PRSS35: variants seen among roughly 807,000 people sequenced by gnomAD.
PRSS35 encodes inactive serine protease 35.
A neutral mutation model predicts 8.1 loss-of-function variants in PRSS35; 7 were observed. The observed-to-expected ratio is 0.86, with a 90% CI of 0.49 to 1.62. The LOEUF (loss-of-function observed/expected upper bound fraction) is 1.62, where lower values mean the gene tolerates loss of function less well. PRSS35 is among the 40% of genes most tolerant of loss of function. The pLI is 0.00. For synonymous variants in PRSS35, 199 were observed against 188.7 expected (o/e 1.05, Z -0.45); for missense variants, 566 against 518.0 (o/e 1.09, Z -0.90).
chr6:83,516,569 G>A (rs1251903570), intron 1 of PRSS35, among the ~76,000 whole-genome samples: 18 of 106,732 alleles, frequency 1.7e-4, no homozygotes, highest in Non-Finnish European at 2.8e-4. Context: ...GAGAGAGACT[G>A]CGTCTCAAAA....
Position 83,524,662 on chromosome 6 carries a change from T to C in PRSS35, c.1221T>C (p.Asp407=). The C allele has an allele frequency of 6.2e-7, 1 of 1,609,966 alleles. No homozygotes were observed. The highest frequency in any genetic ancestry group is 1.1e-5 in the South Asian group (1 of 90,004). ...AQICLWIHGN[D]ANCAYG ...TTTGCCTCTGGATTCACGGGAACGATGCCAATTGTGCTTACGGCTAACAGA... is the reference window on the plus strand; with the variant it reads ...TTTGCCTCTGGATTCACGGGAACGACGCCAATTGTGCTTACGGCTAACAGA... Residue 407 remains aspartate (D), a synonymous_variant, in exon 2 of 2, where the codon GAT becomes GAC. Transcript: ENST00000369700.
Position 83,524,361 on chromosome 6 carries a change from T to G in PRSS35, c.920T>G (p.Ile307Ser). The G allele has an allele frequency of 6.2e-7, 1 of 1,614,168 alleles. No individual in the cohort carries two copies. The change falls in exon 2 of 2, where the codon ATC becomes AGC. Residue 307 changes from isoleucine to serine, a missense_variant. By Grantham distance (142) the Ile-to-Ser change is moderately radical. Transcript: ENST00000369700. ...ATCAAGAAAATGCCTGGTGGAATGA[T>G]CCACTTCTCAGGATTTGATAACGAT... The part of the protein sequence containing the change: ...PTIKKMPGGM[I>S]HFSGFDNDRA...
rs141172122 is a variant in PRSS35, at chr6:83,524,436, A to G, written c.995A>G (p.Asn332Ser). The part of the protein sequence containing the change: ...YRFCSVSDES[N>S]DLLYQYCDAE... Reference sequence around the variant, plus strand: ...TTTTGCAGTGTGTCCGACGAATCCAATGATCTCCTTTACCAATACTGCGAT... The same window carrying G: ...TTTTGCAGTGTGTCCGACGAATCCAGTGATCTCCTTTACCAATACTGCGAT... The change falls in exon 2 of 2, where the codon AAT becomes AGT. Residue 332 changes from asparagine (N) to serine (S), a missense_variant. By Grantham distance (46) the Asn-to-Ser change is conservative. Coordinates refer to ENST00000369700, the MANE Select transcript of PRSS35 (RefSeq NM_153362.3). 339 of 1,614,010 alleles carry G rather than the reference A, an allele frequency of 2.1e-4. 3 individuals carry two copies. Among genetic ancestry groups the G allele is most frequent in the Admixed American group, 2.8e-4 (17 of 59,994 alleles).
At chr6:83,522,697 C>A (rs1343206707) in intron 1 of PRSS35, among the ~76,000 whole-genome samples, 2 of 152,144 alleles carry the variant, frequency 1.3e-5, no homozygotes, top group Non-Finnish European at 1.5e-5. Context: ...ATACATGGTA[C>A]ATTTTTCTTA....
chr6:83,519,610 C>T (rs1279823395), intron 1 of PRSS35, among the ~76,000 whole-genome samples: 1 of 152,176 alleles, frequency 6.6e-6, no homozygotes, highest in African/African-American at 2.4e-5. Flanking sequence ...TGACATTTTA[C>T]CACAAGACAA....
intron 1 of PRSS35, among the ~76,000 whole-genome samples, chr6:83,519,306 G>C (rs939937989): frequency 1.3e-5 from 2 of 152,166 alleles, no homozygotes; most frequent in Admixed American, 1.3e-4. Flanking sequence ...GTGGTGGGCA[G>C]CAATCACTGC....
Position 83,525,604 on chromosome 6 carries a change from A to G in PRSS35, c.*921A>G, listed in dbSNP as rs1771925490. The G allele has an allele frequency of 6.0e-6, 1 of 167,092 alleles. No individual in the cohort carries two copies. Among genetic ancestry groups the G allele is most frequent in the African/African-American group, 2.4e-5 (1 of 41,460 alleles). 10.4% of individuals were successfully genotyped at this position (167,092 alleles called of 1,614,324 possible). A position where few individuals can be genotyped will look rare whatever the true frequency, so the allele number is the denominator to read the frequency against. On this transcript the variant is annotated 3_prime_UTR_variant, in exon 2 of 2. Transcript: ENST00000369700. The stretch of plus-strand genomic sequence containing the variant: ...AAAGAGTCTTTTTCTCCTTGACAAA[A>G]TCCAGCTTTTGTATGAGGACTATAG...
chr6:83,513,494 G>T (rs937373836), intron 1 of PRSS35, among the ~76,000 whole-genome samples: 2 of 152,034 alleles, frequency 1.3e-5, no homozygotes, highest in Non-Finnish European at 2.9e-5. Context: ...TATTTTATCC[G>T]AAGTACATTT....
rs1771641680 is a variant in PRSS35, at chr6:83,512,691, G to C, written c.-24G>C. ...TGCCCTCGGGGACCAAACAAGCCTGGCAGGTAAAGATGAAGCTCCCCAAAC... is the reference window on the plus strand; with the variant it reads ...TGCCCTCGGGGACCAAACAAGCCTGCCAGGTAAAGATGAAGCTCCCCAAAC... On this transcript the variant is annotated 5_prime_UTR_variant, in exon 1 of 2. Coordinates refer to ENST00000369700, the MANE Select transcript of PRSS35 (RefSeq NM_153362.3). 6.6e-6 allele frequency: 1 copy of C among 152,272 alleles called. No homozygotes were observed. Among genetic ancestry groups the C allele is most frequent in the African/African-American group, 2.4e-5 (1 of 41,440 alleles). The allele number at this position is 152,272 out of a possible 1,614,324, so 9.4% of individuals were successfully genotyped here. A position where few individuals can be genotyped will look rare whatever the true frequency, so the allele number is the denominator to read the frequency against.
chr6:83,517,733 AGTGGT>A (rs1771749324), intron 1 of PRSS35, among the ~76,000 whole-genome samples: 1 of 152,240 alleles, frequency 6.6e-6, no homozygotes, highest in Non-Finnish European at 1.5e-5. Flanking sequence ...AAACAGAGCC[AGTGGT>A]GTTAGGAAGC....
rs1771914004 is a variant in PRSS35, at chr6:83,525,072, T to G, written c.*389T>G. The G allele has an allele frequency of 5.3e-6, 1 of 188,572 alleles. No individual in the cohort carries two copies. The highest frequency in any genetic ancestry group is 2.4e-5 in the African/African-American group (1 of 41,898). 11.7% of individuals were successfully genotyped at this position (188,572 alleles called of 1,614,324 possible). A position where few individuals can be genotyped will look rare whatever the true frequency, so the allele number is the denominator to read the frequency against. The stretch of plus-strand genomic sequence containing the variant: ...TAGGATGCTGGTTGTGTATTAAATG[T>G]GAAATTGCATAGATAAAGGTAGATG... On this transcript the variant is annotated 3_prime_UTR_variant, in exon 2 of 2. Transcript: ENST00000369700.
chr6:83,523,905 G>A lies in PRSS35; in HGVS notation c.464G>A (p.Ser155Asn), dbSNP rs768715990. ...STAVKLSTGCSGILISPQHVL... is the reference protein window; with the variant it reads ...STAVKLSTGCNGILISPQHVL... ...GCTGTGAAGCTTTCCACGGGCTGTA[G>A]TGGCATTCTCATTTCCCCTCAGCAT... is the stretch of plus-strand genomic sequence containing the variant. Residue 155 changes from serine (S) to asparagine (N), a missense_variant, in exon 2 of 2, where the codon AGT (serine) becomes AAT (asparagine). By Grantham distance (46) the Ser-to-Asn change is conservative. Transcript: ENST00000369700. The A allele has an allele frequency of 2.4e-5, 38 of 1,614,082 alleles. No individual in the cohort carries two copies. The highest frequency in any genetic ancestry group is 2.5e-5 in the Non-Finnish European group (29 of 1,180,042).
intron 1 of PRSS35, among the ~76,000 whole-genome samples, chr6:83,523,217 T>C: frequency 6.6e-6 from 1 of 152,014 alleles, no homozygotes; most frequent in East Asian, 1.9e-4. Flanking sequence ...GAGGGAAGTT[T>C]GGGTGGAAAA....
Position 83,524,655 on chromosome 6 carries a change from G to T in PRSS35, c.1214G>T (p.Gly405Val), listed in dbSNP as rs1213614535. 6.2e-7 allele frequency: 1 copy of T among 1,611,694 alleles called. No individual in the cohort carries two copies. Among genetic ancestry groups the T allele is most frequent in the African/African-American group, 1.3e-5 (1 of 74,870 alleles). ...KYAQICLWIHGNDANCAYG is the reference protein window; with the variant it reads ...KYAQICLWIHVNDANCAYG ...GCCCAGATTTGCCTCTGGATTCACG[G>T]GAACGATGCCAATTGTGCTTACGGC... Residue 405 changes from glycine to valine, a missense_variant, in exon 2 of 2, where the codon GGG becomes GTG. Transcript: ENST00000369700.
chr6:83,515,596 C>T (rs1771697929), intron 1 of PRSS35, among the ~76,000 whole-genome samples: 1 of 152,050 alleles, frequency 6.6e-6, no homozygotes, highest in Non-Finnish European at 1.5e-5. Flanking sequence ...CGTCCACCTC[C>T]CAGCTTAGGT....
chr6:83,524,358 T>C lies in PRSS35; in HGVS notation c.917T>C (p.Met306Thr). 1 of 1,614,198 alleles carries C rather than the reference T, an allele frequency of 6.2e-7. No individual in the cohort carries two copies. The highest frequency in any genetic ancestry group is 8.5e-7 in the Non-Finnish European group (1 of 1,180,036). ...SPTIKKMPGG[M>T]IHFSGFDNDR... ...ACGATCAAGAAAATGCCTGGTGGAA[T>C]GATCCACTTCTCAGGATTTGATAAC... Residue 306 changes from methionine (M) to threonine (T), a missense_variant, in exon 2 of 2, where the codon ATG (methionine) becomes ACG (threonine). Met to Thr is a moderately conservative substitution (Grantham distance 81). Coordinates refer to ENST00000369700, the MANE Select transcript of PRSS35 (RefSeq NM_153362.3).
At position 83,524,509 on chromosome 6, in the gene PRSS35, T is replaced by A; in HGVS notation, c.1068T>A (p.Asp356Glu). 2 of 1,614,102 alleles carry A rather than the reference T, an allele frequency of 1.2e-6. No homozygotes were observed. The highest frequency in any genetic ancestry group is 1.7e-6 in the Non-Finnish European group (2 of 1,180,040). ...CGGGGGTCTATCTGCGTCTGAAAGA[T>A]CCAGACAAAAAGAATTGGAAGCGCA... ...TGSGVYLRLK[D>E]PDKKNWKRKI... is the part of the protein sequence containing the mutation. Residue 356 changes from aspartate (D) to glutamate (E), a missense_variant, in exon 2 of 2, where the codon GAT becomes GAA. Coordinates refer to ENST00000369700, the MANE Select transcript of PRSS35 (RefSeq NM_153362.3).
rs760884378 is a variant in PRSS35 at position 83,524,629 on chromosome 6, C to T, written c.1188C>T (p.Tyr396=). 9 of 1,613,776 alleles carry T rather than the reference C, an allele frequency of 5.6e-6. No homozygotes were observed. Among genetic ancestry groups the T allele is most frequent in the African/African-American group, 1.3e-5 (1 of 75,040 alleles). The change falls in exon 2 of 2, where the codon TAC becomes TAT. Residue 396 remains tyrosine (Y), a synonymous_variant. Coordinates refer to ENST00000369700, the MANE Select transcript of PRSS35 (RefSeq NM_153362.3). ...CTGTTCGCATCACTCCCCTAAAATA[C>T]GCCCAGATTTGCCTCTGGATTCACG... ...NVAVRITPLK[Y]AQICLWIHGN...
chr6:83,524,493 A>C lies in PRSS35; in HGVS notation c.1052A>C (p.Tyr351Ser), dbSNP rs1308874357. ...AESGSTGSGV[Y>S]LRLKDPDKKN... ...TCGGGCTCCACCGGTTCGGGGGTCT[A>C]TCTGCGTCTGAAAGATCCAGACAAA... Residue 351 changes from tyrosine (Y) to serine (S), a missense_variant, in exon 2 of 2, where the codon TAT becomes TCT. Transcript: ENST00000369700. 7 of 1,614,188 alleles carry C rather than the reference A, an allele frequency of 4.3e-6. No individual in the cohort carries two copies. Among genetic ancestry groups the C allele is most frequent in the Non-Finnish European group, 5.9e-6 (7 of 1,180,038 alleles).
Sources: gnomAD v4.1 joint callset for allele counts (sites outside exome capture counted in the v4.1 genomes callset) on GRCh38, gnomAD v4.1.1 for gene constraint, MANE v1.5 for transcripts, NCBI Gene and HGNC (gene_info 2026-07-23, HGNC 2026-07-21) for gene names.